Variants in WWOX observed in about 807,000 individuals in gnomAD.
WWOX encodes WW domain containing oxidoreductase, also known as WW domain-containing oxidoreductase.
In WWOX, 69 loss-of-function variants were observed where a neutral mutation model predicts 46.2. The ratio of observed to expected loss-of-function variants is 1.49; its 90% CI spans 1.23 to 1.82. The LOEUF (loss-of-function observed/expected upper bound fraction) is 1.82, where lower values mean the gene tolerates loss of function less well. Ranked by LOEUF, WWOX falls within the 40% of genes most tolerant of loss-of-function variation. The pLI, the probability that WWOX is intolerant of heterozygous loss-of-function variation, is 0.00. For missense variants in WWOX, 919 were observed against 542.6 expected (o/e 1.69, Z -6.89); for synonymous variants, 359 against 202.6 (o/e 1.77, Z -6.56).
intron 8 of WWOX, among the ~76,000 whole-genome samples, chr16:78,920,213 G>C (rs1415215623): frequency 6.6e-6 from 1 of 152,172 alleles, no homozygotes; most frequent in East Asian, 1.9e-4. Context: ...AGGGGAAAGA[G>C]AAAAGACAAG....
At chr16:79,100,540 G>A (rs1567550231) in intron 8 of WWOX, among the ~76,000 whole-genome samples, 1 of 152,138 alleles carries the variant, frequency 6.6e-6, no homozygotes, top group African/African-American at 2.4e-5. Flanking sequence ...TTAGTTCCAG[G>A]CTGTGCTTTG....
chr16:78,104,512 T>A (rs2032019741), intron 1 of WWOX, among the ~76,000 whole-genome samples: 1 of 151,988 alleles, frequency 6.6e-6, no homozygotes, highest in Admixed American at 6.6e-5. Flanking sequence ...TAAAAAAAAA[T>A]TAACAGAAAA....
At chr16:78,768,435 C>A (rs1055153146) in intron 8 of WWOX, among the ~76,000 whole-genome samples, 1 of 151,892 alleles carries the variant, frequency 6.6e-6, no homozygotes, top group Non-Finnish European at 1.5e-5. Flanking sequence ...ACTAAAAATA[C>A]AACAATTAGC....
chr16:79,122,778 G>A (rs2049665866), intron 8 of WWOX, among the ~76,000 whole-genome samples: 1 of 152,162 alleles, frequency 6.6e-6, no homozygotes, highest in African/African-American at 2.4e-5. Context: ...GTAGGAAAAA[G>A]GGCCAGAATA....
intron 5 of WWOX, among the ~76,000 whole-genome samples, chr16:78,289,470 G>A (rs1177437135): frequency 6.6e-6 from 1 of 152,112 alleles, no homozygotes; most frequent in Non-Finnish European, 1.5e-5. Context: ...TAGTGGGAAG[G>A]AACAGGGTAG....
chr16:78,327,641 T>C (rs1338109991), intron 5 of WWOX, among the ~76,000 whole-genome samples: 1 of 152,194 alleles, frequency 6.6e-6, no homozygotes. Flanking sequence ...CAATCTTCTA[T>C]TTTTATTTAA....
At chr16:78,144,522 TA>T (rs1276880138) in intron 4 of WWOX, among the ~76,000 whole-genome samples, 1,610 of 17,764 alleles carry the variant, frequency 0.091, 172 homozygotes, top group East Asian at 0.13. Flanking sequence ...TATATATATA[TA>T]TTTTTTTTTT....
chr16:78,649,213 G>A (rs2046911090), intron 8 of WWOX, among the ~76,000 whole-genome samples: 1 of 152,098 alleles, frequency 6.6e-6, no homozygotes, highest in Non-Finnish European at 1.5e-5. Flanking sequence ...TCAAACTCTG[G>A]ACCTCAAATG....
At position 78,111,865 on chromosome 16, in the gene WWOX, C is replaced by T. The variant is rs148990375; in HGVS notation, c.230+2030C>T. ...CGTATGCTGCCTTCTCTCTCTGCTT[C>T]GGCTACCTAAAAGGGAAGGGCCCTC... On this transcript the variant is annotated intron_variant, in intron 3 of 8. Transcript: ENST00000566780. The T allele has an allele frequency of 1.7e-5, 3 of 171,612 alleles. 1 individual carries two copies. The highest frequency in any genetic ancestry group is 2.4e-5 in the Non-Finnish European group (2 of 82,092). 10.6% of individuals were successfully genotyped at this position (171,612 alleles called of 1,614,324 possible). A position where few individuals can be genotyped will look rare whatever the true frequency, so the allele number is the denominator to read the frequency against.
chr16:78,800,945 G>A lies in WWOX; in HGVS notation c.1056+368193G>A, dbSNP rs529200400. Among the ~76,000 whole-genome samples the A allele has an allele frequency of 1.9e-4, 14 of 72,028 alleles. No homozygotes were observed. The East Asian group carries it at 3.3e-3, about 17-fold the overall frequency. The allele number at this position is 72,028 out of a possible 152,430, so 47.3% of individuals were successfully genotyped here. A position where few individuals can be genotyped will look rare whatever the true frequency, so the allele number is the denominator to read the frequency against. On this transcript the variant is annotated intron_variant, in intron 8 of 8. Coordinates refer to ENST00000566780, the MANE Select transcript of WWOX (RefSeq NM_016373.4). ...CATCAAACTCTCAAATGGAAGTTTC[G>A]AAAAACAGAAAAAAAAAGTGAGCAT...
intron 8 of WWOX, among the ~76,000 whole-genome samples, chr16:78,838,751 G>C (rs995634051): frequency 1.3e-5 from 2 of 152,162 alleles, no homozygotes; most frequent in Admixed American, 6.5e-5. Context: ...GCTGAGACAG[G>C]AGAATTGCTT....
chr16:78,427,973 CAGG>C (rs2083126357), intron 7 of WWOX, among the ~76,000 whole-genome samples: 1 of 151,580 alleles, frequency 6.6e-6, no homozygotes, highest in Admixed American at 6.6e-5. Context: ...GAGGCTGAGG[CAGG>C]AGAATTGCTT....
At chr16:78,820,802 G>C (rs1365051767) in intron 8 of WWOX, among the ~76,000 whole-genome samples, 2 of 152,080 alleles carry the variant, frequency 1.3e-5, no homozygotes, top group Non-Finnish European at 2.9e-5. Flanking sequence ...CGTTCCTTCT[G>C]GAAGCTATGA....
chr16:78,382,675 G>C (rs998757518), intron 5 of WWOX, among the ~76,000 whole-genome samples: 1 of 152,186 alleles, frequency 6.6e-6, no homozygotes, highest in African/African-American at 2.4e-5. Flanking sequence ...TAGATGGCAT[G>C]TGCTAATTCT....
At chr16:79,048,958 T>C (rs148171727) in intron 8 of WWOX, among the ~76,000 whole-genome samples, 2,816 of 152,294 alleles carry the variant, frequency 0.018, 92 homozygotes, top group African/African-American at 0.064. Context: ...AGGTGTCCAC[T>C]GGAGTCATGA....
intron 6 of WWOX, among the ~76,000 whole-genome samples, chr16:78,393,053 C>T (rs1252186357): frequency 6.6e-6 from 1 of 152,132 alleles, no homozygotes; most frequent in Non-Finnish European, 1.5e-5. Flanking sequence ...TGGTAAGTTC[C>T]ACCCAAACTG....
At chr16:78,268,487 T>TA (rs2079412066) in intron 5 of WWOX, among the ~76,000 whole-genome samples, 1 of 152,182 alleles carries the variant, frequency 6.6e-6, no homozygotes, top group Non-Finnish European at 1.5e-5. Flanking sequence ...CTGTAGCTCT[T>TA]ACAATTATTT....
intron 8 of WWOX, among the ~76,000 whole-genome samples, chr16:78,829,421 G>T (rs1328727981): frequency 6.6e-6 from 1 of 152,138 alleles, no homozygotes; most frequent in East Asian, 1.9e-4. Flanking sequence ...TACAGGGCAG[G>T]GCAATCAGTT....
chr16:78,246,784 T>G (rs2037828076), intron 5 of WWOX, among the ~76,000 whole-genome samples: 1 of 151,864 alleles, frequency 6.6e-6, no homozygotes, highest in African/African-American at 2.4e-5. Context: ...CGTGGGGCGG[T>G]GTGTTTGGTG....
Sources: allele counts gnomAD v4.1 joint callset (sites outside exome capture counted in the v4.1 genomes callset), GRCh38; gene constraint gnomAD v4.1.1; transcripts MANE v1.5; gene names NCBI Gene and HGNC (gene_info 2026-07-23, HGNC 2026-07-21).